Variants in KIAA1549 observed in about 807,000 individuals in gnomAD.
KIAA1549 encodes the protein UPF0606 protein KIAA1549.
Under a neutral mutation model 156.4 loss-of-function variants are expected in KIAA1549, and 70 were observed. The observed-to-expected ratio is 0.45, with a 90% CI of 0.37 to 0.55. The LOEUF (loss-of-function observed/expected upper bound fraction) is 0.55, where lower values mean the gene tolerates loss of function less well. KIAA1549 is among the 20% of genes least tolerant of loss of function. The pLI is 0.00. For synonymous variants in KIAA1549, 1,103 were observed against 1,066.4 expected (o/e 1.03, Z -0.67); for missense variants, 2,428 against 2,540.9 (o/e 0.96, Z 0.96).
chr7:138,846,373 A>C (rs926495939), intron 17 of KIAA1549, among the ~76,000 whole-genome samples: 2 of 152,054 alleles, frequency 1.3e-5, no homozygotes, highest in African/African-American at 4.8e-5. Context: ...CATCTCTACC[A>C]AAAATACAAA....
intron 1 of KIAA1549, among the ~76,000 whole-genome samples, chr7:138,922,446 G>A (rs1236764136): frequency 6.6e-6 from 1 of 151,946 alleles, no homozygotes; most frequent in Non-Finnish European, 1.5e-5. Flanking sequence ...TTTTTTAAAA[G>A]GCCAACTAAA....
At chr7:138,928,850 C>T (rs1812793748) in intron 1 of KIAA1549, among the ~76,000 whole-genome samples, 1 of 152,182 alleles carries the variant, frequency 6.6e-6, no homozygotes, top group Non-Finnish European at 1.5e-5. Flanking sequence ...CACATATATA[C>T]ATATGTAACA....
Position 138,917,787 on chromosome 7 carries a change from C to T in KIAA1549, c.1839G>A (p.Glu613=). 6.3e-7 allele frequency: 1 copy of T among 1,580,972 alleles called. No homozygotes were observed. The highest frequency in any genetic ancestry group is 8.6e-7 in the Non-Finnish European group (1 of 1,163,356). The part of the protein sequence containing the change: ...FSDQERSSFS[E]HKPRGALDFA... ...AATCCAAAGCACCTCTGGGTTTATG[C>T]TCAGAAAAACTGGAACGTTCTTGGT... The change falls in exon 2 of 20, where the codon GAG becomes GAA. Residue 613 remains glutamate, a synonymous_variant. Coordinates refer to ENST00000422774, the MANE Select transcript of KIAA1549 (RefSeq NM_001164665.2).
At chr7:138,890,350 CAA>C (rs1260510887) in intron 10 of KIAA1549, among the ~76,000 whole-genome samples, 6 of 152,232 alleles carry the variant, frequency 3.9e-5, no homozygotes, top group Non-Finnish European at 5.9e-5. Flanking sequence ...GAGCAAATCC[CAA>C]AAGTGTCTGA....
At position 138,836,420 on chromosome 7, in the gene KIAA1549, T is replaced by C. The variant is rs1181376210; in HGVS notation, c.*1486A>G. On this transcript the variant is annotated 3_prime_UTR_variant, in exon 20 of 20. Transcript: ENST00000422774. ...TAGGTTGTGTAAGTACAATCTAGGA[T>C]GTTGGCACAGCAACAAAACAGCCTA... The C allele has an allele frequency of 4.7e-6, 1 of 214,818 alleles. No homozygotes were observed. Among genetic ancestry groups the C allele is most frequent in the East Asian group, 6.9e-5 (1 of 14,500 alleles). 13.3% of individuals were successfully genotyped at this position (214,818 alleles called of 1,614,324 possible). A position where few individuals can be genotyped will look rare whatever the true frequency, so the allele number is the denominator to read the frequency against.
At chr7:138,936,902 C>A (rs528436087) in intron 1 of KIAA1549, among the ~76,000 whole-genome samples, 1 of 152,308 alleles carries the variant, frequency 6.6e-6, no homozygotes, top group South Asian at 2.1e-4. Context: ...CTAAGCTCTG[C>A]AGCCTCCTCT....
rs1809563636 is a variant in KIAA1549 at position 138,832,414 on chromosome 7, G to C, written c.*5492C>G. The C allele has an allele frequency of 5.2e-6, 1 of 190,778 alleles. No individual in the cohort carries two copies. Among genetic ancestry groups the C allele is most frequent in the East Asian group, 8.3e-5 (1 of 12,064 alleles). 11.8% of individuals were successfully genotyped at this position (190,778 alleles called of 1,614,324 possible). A position where few individuals can be genotyped will look rare whatever the true frequency, so the allele number is the denominator to read the frequency against. ...GGGTCTCGTTATGTTGCCCAAGGTGGTCTCAAACTCCTGGCCTCAAGCGAT... is the reference window on the plus strand; with the variant it reads ...GGGTCTCGTTATGTTGCCCAAGGTGCTCTCAAACTCCTGGCCTCAAGCGAT... On this transcript the variant is annotated 3_prime_UTR_variant, in exon 20 of 20. Coordinates refer to ENST00000422774, the MANE Select transcript of KIAA1549 (RefSeq NM_001164665.2).
At chr7:138,958,494 G>A (rs1328853909) in intron 1 of KIAA1549, among the ~76,000 whole-genome samples, 1 of 152,190 alleles carries the variant, frequency 6.6e-6, no homozygotes, top group African/African-American at 2.4e-5. Context: ...TCTTGTCAGG[G>A]CCACAGAAGT....
intron 14 of KIAA1549, among the ~76,000 whole-genome samples, chr7:138,869,098 T>C (rs1025224520): frequency 6.6e-6 from 1 of 152,022 alleles, no homozygotes; most frequent in African/African-American, 2.4e-5. Flanking sequence ...CCAACGAAGA[T>C]CTGCTGGGTG....
At chr7:138,973,378 C>G (rs922792485) in intron 1 of KIAA1549, among the ~76,000 whole-genome samples, 2 of 152,162 alleles carry the variant, frequency 1.3e-5, no homozygotes, top group African/African-American at 2.4e-5. Context: ...TGGCCCTCAT[C>G]CCATCCTTCA....
Position 138,831,996 on chromosome 7 carries a change from T to C in KIAA1549, c.*5910A>G, listed in dbSNP as rs1415970024. On this transcript the variant is annotated 3_prime_UTR_variant, in exon 20 of 20. Coordinates refer to ENST00000422774, the MANE Select transcript of KIAA1549 (RefSeq NM_001164665.2). ...CATTTGCAGGAGGAACAGTACAGCA[T>C]ATGCGACTTGAACTTGGCCCTGTAC... 2 of 231,984 alleles carry C rather than the reference T, an allele frequency of 8.6e-6. No homozygotes were observed. The highest frequency in any genetic ancestry group is 1.7e-5 in the Non-Finnish European group (2 of 117,366). The allele number at this position is 231,984 out of a possible 1,614,324, so 14.4% of individuals were successfully genotyped here.
chr7:138,910,754 G>A (rs1322914341), intron 4 of KIAA1549, among the ~76,000 whole-genome samples: 2 of 132,812 alleles, frequency 1.5e-5, no homozygotes, highest in South Asian at 2.3e-4. Flanking sequence ...TGCCCTGGCT[G>A]GTCTCAAACT....
chr7:138,923,308 G>A (rs1205322245), intron 1 of KIAA1549, among the ~76,000 whole-genome samples: 2 of 152,178 alleles, frequency 1.3e-5, no homozygotes, highest in Non-Finnish European at 2.9e-5. Flanking sequence ...GAGAATAAAT[G>A]ATAAACATAA....
At chr7:138,839,588 C>T (rs545364087) in intron 19 of KIAA1549, among the ~76,000 whole-genome samples, 10 of 152,106 alleles carry the variant, frequency 6.6e-5, no homozygotes, top group Admixed American at 4.6e-4. Flanking sequence ...CCTATAGATT[C>T]GAATTTACTA....
Position 138,981,363 on chromosome 7 carries a change from G to A in KIAA1549, c.-94C>T, listed in dbSNP as rs1161928447. The A allele has an allele frequency of 2.3e-6, 1 of 441,824 alleles. No homozygotes were observed. Among genetic ancestry groups the A allele is most frequent in the Non-Finnish European group, 3.0e-6 (1 of 336,262 alleles). 27.4% of individuals were successfully genotyped at this position (441,824 alleles called of 1,614,324 possible). ...GGCTGCGGCTGGGACGGGGCGCCGCGCACCGGCGCGGAGGGAGGCCGGAGA... is the reference window on the plus strand; with the variant it reads ...GGCTGCGGCTGGGACGGGGCGCCGCACACCGGCGCGGAGGGAGGCCGGAGA... On this transcript the variant is annotated 5_prime_UTR_variant, in exon 1 of 20. Coordinates refer to ENST00000422774, the MANE Select transcript of KIAA1549 (RefSeq NM_001164665.2). The surrounding 1 kb of genome is among the most constrained non-coding windows in gnomAD (Gnocchi z 4.5).
chr7:138,893,325 A>G (rs987260403), intron 10 of KIAA1549, among the ~76,000 whole-genome samples: 1 of 151,926 alleles, frequency 6.6e-6, no homozygotes, highest in Non-Finnish European at 1.5e-5. Flanking sequence ...GAGGTATTAA[A>G]AAAATCGAGA....
chr7:138,883,382 G>A (rs1174725387), intron 10 of KIAA1549, among the ~76,000 whole-genome samples: 3 of 146,346 alleles, frequency 2.0e-5, no homozygotes, highest in South Asian at 2.1e-4. Flanking sequence ...GTACAATCTC[G>A]GCTCACCACA....
chr7:138,920,675 T>G (rs1355988023), intron 1 of KIAA1549, among the ~76,000 whole-genome samples: 1 of 152,200 alleles, frequency 6.6e-6, no homozygotes, highest in African/African-American at 2.4e-5. Flanking sequence ...CAGCCACTGA[T>G]GAAAGCCCAG....
chr7:138,957,264 T>C lies in KIAA1549; in HGVS notation c.187+23819A>G, dbSNP rs183382768. Among the ~76,000 whole-genome samples the C allele has an allele frequency of 4.7e-4, 71 of 151,952 alleles. 1 individual carries two copies. The highest frequency in any genetic ancestry group is 2.9e-3 in the Admixed American group (44 of 15,258). ...TGTTGCAAATCAAGAAAAACAAGGA[T>C]TGAACAAACCAGAGACACTGCCATG... On this transcript the variant is annotated intron_variant, in intron 1 of 19. Coordinates refer to ENST00000422774, the MANE Select transcript of KIAA1549 (RefSeq NM_001164665.2).
Sources: allele counts gnomAD v4.1 joint callset (sites outside exome capture counted in the v4.1 genomes callset), GRCh38; gene constraint gnomAD v4.1.1; non-coding constraint Gnocchi (gnomAD v3.1); transcripts MANE v1.5; gene names NCBI Gene and HGNC (gene_info 2026-07-23, HGNC 2026-07-21).